STPG2: variants seen among roughly 807,000 people sequenced by gnomAD.
The protein encoded by STPG2 is sperm tail PG-rich repeat containing 2, also known as sperm-tail PG-rich repeat-containing protein 2.
STPG2 carries 56 observed loss-of-function variants against 54.2 expected under a neutral mutation model. The observed-to-expected ratio is 1.03, with a 90% confidence interval of 0.83 to 1.29. The LOEUF is 1.29. Ranked by LOEUF, STPG2 falls within the 50% of genes most tolerant of loss-of-function variation. STPG2 has a pLI of 0.00. For synonymous variants in STPG2, 200 were observed against 181.8 expected (o/e 1.10, Z -0.81); for missense variants, 596 against 544.9 (o/e 1.09, Z -0.93).
intron 10 of STPG2, among the ~76,000 whole-genome samples, chr4:97,656,932 T>G (rs1218292062): frequency 2.0e-5 from 3 of 152,018 alleles, no homozygotes; most frequent in Non-Finnish European, 4.4e-5. Context: ...ATAATTTTAA[T>G]GAGTTGTTAC....
At chr4:97,652,340 A>T (rs567345785) in intron 10 of STPG2, among the ~76,000 whole-genome samples, 1 of 151,968 alleles carries the variant, frequency 6.6e-6, no homozygotes, top group East Asian at 1.9e-4. Flanking sequence ...GGACAATATC[A>T]AGCACCTTGT....
chr4:98,018,639 GT>G (rs1202523719), intron 5 of STPG2, among the ~76,000 whole-genome samples: 4 of 151,974 alleles, frequency 2.6e-5, no homozygotes, highest in African/African-American at 9.7e-5. Context: ...CACCAACAGT[GT>G]AAAAGTGTTC....
chr4:97,948,289 C>A (rs1012134230), intron 7 of STPG2, among the ~76,000 whole-genome samples: 2 of 151,818 alleles, frequency 1.3e-5, no homozygotes, highest in African/African-American at 2.4e-5. Flanking sequence ...TTCTAATTGA[C>A]CTTATTTGAA....
chr4:97,705,045 C>G (rs1723896715), intron 10 of STPG2, among the ~76,000 whole-genome samples: 1 of 152,038 alleles, frequency 6.6e-6, no homozygotes, highest in Admixed American at 6.6e-5. Flanking sequence ...TCTTTGGTGT[C>G]TATAGCTCAG....
chr4:98,036,596 A>C (rs1361878362), intron 5 of STPG2, among the ~76,000 whole-genome samples: 1 of 152,064 alleles, frequency 6.6e-6, no homozygotes, highest in Non-Finnish European at 1.5e-5. Context: ...TATAAGTGGG[A>C]GCTAAATGAT....
At chr4:97,755,222 C>T (rs1021965861) in intron 9 of STPG2, among the ~76,000 whole-genome samples, 2 of 152,114 alleles carry the variant, frequency 1.3e-5, no homozygotes, top group Admixed American at 6.6e-5. Flanking sequence ...CAAAATCTAG[C>T]AGATAATGGT....
intron 7 of STPG2, among the ~76,000 whole-genome samples, chr4:97,969,446 G>A (rs951024232): frequency 1.3e-5 from 2 of 152,034 alleles, no homozygotes; most frequent in Non-Finnish European, 2.9e-5. Context: ...AATAACAAAT[G>A]CTGGCATATC....
intron 8 of STPG2, among the ~76,000 whole-genome samples, chr4:97,906,059 A>G (rs868247862): frequency 1.3e-5 from 2 of 152,216 alleles, no homozygotes; most frequent in South Asian, 2.1e-4. Flanking sequence ...ACCCTTCAAA[A>G]AAGTAATGAA....
chr4:97,475,796 A>G (rs1291135953), intron 4 of STPG2, among the ~76,000 whole-genome samples: 1 of 152,088 alleles, frequency 6.6e-6, no homozygotes, highest in Non-Finnish European at 1.5e-5. Flanking sequence ...GCCTGGAATG[A>G]CCGCTGACTG....
intron 4 of STPG2, among the ~76,000 whole-genome samples, chr4:97,444,128 G>A (rs995356456): frequency 6.6e-6 from 1 of 152,020 alleles, no homozygotes; most frequent in East Asian, 1.9e-4. Flanking sequence ...AAAAAGAAAA[G>A]AGAATCTATA....
At chr4:97,516,782 T>A (rs186545132) in intron 4 of STPG2, among the ~76,000 whole-genome samples, 1 of 151,762 alleles carries the variant, frequency 6.6e-6, no homozygotes, top group Admixed American at 6.6e-5. Context: ...GAGCCAAGAT[T>A]GTGCCACTGG....
At chr4:97,649,913 A>G (rs1330048487) in intron 10 of STPG2, among the ~76,000 whole-genome samples, 2 of 152,102 alleles carry the variant, frequency 1.3e-5, no homozygotes, top group African/African-American at 4.8e-5. Context: ...ATATAATGAA[A>G]TAATTATACA....
At chr4:97,948,278 T>A (rs957546364) in intron 7 of STPG2, among the ~76,000 whole-genome samples, 1 of 152,096 alleles carries the variant, frequency 6.6e-6, no homozygotes, top group Admixed American at 6.6e-5. Context: ...TCCAATTTTA[T>A]TTCTAATTGA....
chr4:97,957,992 AC>A (rs1243520416), intron 7 of STPG2, among the ~76,000 whole-genome samples: 4 of 152,100 alleles, frequency 2.6e-5, no homozygotes, highest in Non-Finnish European at 5.9e-5. Flanking sequence ...CACAGGACCT[AC>A]AAAACAAAAA....
At position 97,981,176 on chromosome 4, in the gene STPG2, C is replaced by T. The variant is rs1338175373; in HGVS notation, c.755G>A (p.Arg252Lys). ...QSAVRFTQDIRTEEMPGPGFY... is the reference protein window; with the variant it reads ...QSAVRFTQDIKTEEMPGPGFY... ...TTGCTAACCTGGCATTTCCTCTGTC[C>T]TGATGTCCTGTGTGAATCGAACAGC... Residue 252 changes from arginine to lysine, a missense_variant, in exon 6 of 11, where the codon AGG becomes AAG. Transcript: ENST00000295268. The T allele has an allele frequency of 6.2e-7, 1 of 1,613,836 alleles. No homozygotes were observed. The highest frequency in any genetic ancestry group is 2.2e-5 in the East Asian group (1 of 44,818).
intron 5 of STPG2, among the ~76,000 whole-genome samples, chr4:98,029,523 A>G (rs1044221197): frequency 1.3e-5 from 2 of 152,234 alleles, no homozygotes; most frequent in East Asian, 3.8e-4. Context: ...CTTGCACAAT[A>G]TATCACTTTT....
At chr4:97,637,094 T>G (rs1721572162) in intron 10 of STPG2, among the ~76,000 whole-genome samples, 1 of 152,206 alleles carries the variant, frequency 6.6e-6, no homozygotes, top group Non-Finnish European at 1.5e-5. Context: ...AAATCCTCAA[T>G]AAAATACTGG....
At chr4:97,904,977 T>C (rs1578674661) in intron 8 of STPG2, among the ~76,000 whole-genome samples, 1 of 152,154 alleles carries the variant, frequency 6.6e-6, no homozygotes, top group African/African-American at 2.4e-5. Context: ...AATCTACGTC[T>C]GATTGGTGTA....
intron 10 of STPG2, among the ~76,000 whole-genome samples, chr4:97,709,216 GT>G (rs917030517): frequency 9.3e-5 from 14 of 151,288 alleles, no homozygotes; most frequent in East Asian, 3.9e-4. Context: ...CCAAATAAGT[GT>G]TTTTTTTAAA....
Sources: allele counts gnomAD v4.1 joint callset (sites outside exome capture counted in the v4.1 genomes callset), GRCh38; gene constraint gnomAD v4.1.1; transcripts MANE v1.5; gene names NCBI Gene and HGNC (gene_info 2026-07-23, HGNC 2026-07-21).